The following CCDC85A variants were observed in gnomAD, a reference collection of about 807,000 sequenced individuals.
CCDC85A encodes coiled-coil domain-containing protein 85A.
Under a neutral mutation model 50.2 loss-of-function variants are expected in CCDC85A, and 38 were observed. The observed-to-expected ratio is 0.76, with a 90% CI of 0.58 to 0.99. The LOEUF is 0.99. Ranked by LOEUF, CCDC85A falls within the 50% of genes least tolerant of loss-of-function variation. The probability of loss-of-function intolerance (pLI) is 0.00; values close to 1 mark genes in which losing one functional copy is unlikely to be tolerated. For synonymous variants in CCDC85A, 366 were observed against 301.4 expected, an observed-to-expected ratio of 1.21 and a Z score of -2.22; for missense variants, 820 against 742.0, an observed-to-expected ratio of 1.11 and a Z score of -1.22.
chr2:56,188,279 C>T (rs951948717), intron 1 of CCDC85A, among the ~76,000 whole-genome samples: 11 of 152,242 alleles, frequency 7.2e-5, no homozygotes, highest in South Asian at 2.1e-4. Flanking sequence ...GGAAATAGCT[C>T]AGAACTGAAT....
chr2:56,216,163 T>C (rs188561370), intron 2 of CCDC85A, among the ~76,000 whole-genome samples: 57 of 152,034 alleles, frequency 3.7e-4, no homozygotes, highest in African/African-American at 1.2e-3. Flanking sequence ...ATGTGTAGTT[T>C]TGGCAATTGC....
intron 3 of CCDC85A, among the ~76,000 whole-genome samples, chr2:56,368,479 G>T (rs1037209089): frequency 6.6e-6 from 1 of 152,098 alleles, no homozygotes; most frequent in Admixed American, 6.6e-5. Flanking sequence ...TATCTGCCTT[G>T]CCCTGTAATA....
chr2:56,320,098 A>G (rs1281075168), intron 2 of CCDC85A, among the ~76,000 whole-genome samples: 2 of 152,194 alleles, frequency 1.3e-5, no homozygotes, highest in African/African-American at 4.8e-5. Flanking sequence ...AATGAGAACA[A>G]AGACACAACA....
chr2:56,288,846 C>T (rs1385380746), intron 2 of CCDC85A, among the ~76,000 whole-genome samples: 1 of 152,176 alleles, frequency 6.6e-6, no homozygotes, highest in Non-Finnish European at 1.5e-5. Context: ...TTGGTGTCTA[C>T]ATTAATGGTT....
intron 2 of CCDC85A, among the ~76,000 whole-genome samples, chr2:56,341,105 G>A (rs1674343714): frequency 6.6e-6 from 1 of 152,084 alleles, no homozygotes; most frequent in Non-Finnish European, 1.5e-5. Flanking sequence ...GCTCTTGGGA[G>A]GGGAGCATGT....
chr2:56,255,966 A>G (rs1009655811), intron 2 of CCDC85A, among the ~76,000 whole-genome samples: 1 of 152,116 alleles, frequency 6.6e-6, no homozygotes, highest in African/African-American at 2.4e-5. Flanking sequence ...GTTTGGAAAA[A>G]CAAATATTTG....
intron 2 of CCDC85A, among the ~76,000 whole-genome samples, chr2:56,194,423 C>T (rs541427036): frequency 1.1e-4 from 16 of 152,200 alleles, no homozygotes; most frequent in African/African-American, 1.9e-4. Context: ...GGATCTAAAA[C>T]GATTGATTTT....
chr2:56,286,010 C>CG (rs1671427460), intron 2 of CCDC85A, among the ~76,000 whole-genome samples: 1 of 151,872 alleles, frequency 6.6e-6, no homozygotes, highest in Non-Finnish European at 1.5e-5. Context: ...ACAGTCCCCC[C>CG]CACCCCGACC....
At chr2:56,218,455 G>T (rs1434699840) in intron 2 of CCDC85A, among the ~76,000 whole-genome samples, 2 of 151,750 alleles carry the variant, frequency 1.3e-5, no homozygotes, top group African/African-American at 4.8e-5. Context: ...ATTGTTAGTA[G>T]CCTATTGTAC....
At chr2:56,219,121 A>C (rs923329220) in intron 2 of CCDC85A, among the ~76,000 whole-genome samples, 1 of 150,186 alleles carries the variant, frequency 6.7e-6, no homozygotes, top group African/African-American at 2.5e-5. Flanking sequence ...TCACACTGAC[A>C]TGCATCCATG....
chr2:56,335,993 G>T (rs1417677293), intron 2 of CCDC85A, among the ~76,000 whole-genome samples: 1 of 151,948 alleles, frequency 6.6e-6, no homozygotes, highest in African/African-American at 2.4e-5. Context: ...TCTTAATACT[G>T]TTACAATGAC....
At chr2:56,285,607 C>T (rs1450725921) in intron 2 of CCDC85A, among the ~76,000 whole-genome samples, 1 of 146,978 alleles carries the variant, frequency 6.8e-6, no homozygotes. Flanking sequence ...TTCTTATCTA[C>T]ACTTCATGTT....
chr2:56,236,358 A>G (rs1358380189), intron 2 of CCDC85A, among the ~76,000 whole-genome samples: 3 of 152,178 alleles, frequency 2.0e-5, no homozygotes, highest in African/African-American at 7.2e-5. Context: ...CAGAATGTTG[A>G]GAGAGTTGAG....
chr2:56,350,697 G>C (rs1038022494), intron 3 of CCDC85A, among the ~76,000 whole-genome samples: 11 of 150,780 alleles, frequency 7.3e-5, no homozygotes, highest in Non-Finnish European at 1.6e-4. Context: ...CTGACTAATG[G>C]AAAATAAGCA....
At chr2:56,302,257 A>T (rs1021613623) in intron 2 of CCDC85A, among the ~76,000 whole-genome samples, 11 of 152,174 alleles carry the variant, frequency 7.2e-5, no homozygotes, top group Non-Finnish European at 1.3e-4. Context: ...CTCCATCTTC[A>T]AAAAATAAGA....
rs1321025512 is a variant in CCDC85A at position 56,184,748 on chromosome 2, G to C, written c.124G>C (p.Glu42Gln). 1.3e-6 allele frequency: 2 copies of C among 1,543,570 alleles called. No homozygotes were observed. Among genetic ancestry groups the C allele is most frequent in the African/African-American group, 1.4e-5 (1 of 71,918 alleles). Reference protein sequence around the residue: ...PVEDLSKVSDEELLQWSKEEL... With the variant: ...PVEDLSKVSDQELLQWSKEEL... ...GGAGGACCTGTCCAAAGTGTCGGAC[G>C]AGGAGCTGCTGCAGTGGAGCAAGGA... is the stretch of plus-strand genomic sequence containing the variant. The change falls in exon 1 of 6, where the codon GAG becomes CAG. Residue 42 changes from glutamate to glutamine, a missense_variant. Glu to Gln is a conservative substitution (Grantham distance 29, BLOSUM62 2). Transcript: ENST00000407595.
intron 2 of CCDC85A, among the ~76,000 whole-genome samples, chr2:56,337,164 T>C (rs6731831): frequency 0.42 from 63,786 of 152,072 alleles, 15,096 homozygotes; most frequent in African/African-American, 0.65. Context: ...TAATGGAATT[T>C]TTATGCATGT....
intron 2 of CCDC85A, among the ~76,000 whole-genome samples, chr2:56,216,414 A>AG (rs2103893165): frequency 6.6e-6 from 1 of 151,900 alleles, no homozygotes; most frequent in Admixed American, 6.6e-5. Flanking sequence ...ACTACTTAAA[A>AG]TTTTTTGCCA....
intron 2 of CCDC85A, among the ~76,000 whole-genome samples, chr2:56,296,761 G>A (rs1401086938): frequency 6.6e-6 from 1 of 151,900 alleles, no homozygotes; most frequent in African/African-American, 2.4e-5. Context: ...CTATAATAAT[G>A]GAAAGAAGAA....
Sources: allele counts gnomAD v4.1 joint callset (sites outside exome capture counted in the v4.1 genomes callset), GRCh38; gene constraint gnomAD v4.1.1; transcripts MANE v1.5; gene names NCBI Gene and HGNC (gene_info 2026-07-23, HGNC 2026-07-21).